POU4F2: variants seen among roughly 807,000 people sequenced by gnomAD.
The protein encoded by POU4F2 is POU class 4 homeobox 2.
POU4F2 carries 10 observed loss-of-function variants against 21.5 expected under a neutral mutation model. That is an observed-to-expected ratio of 0.46 (90% CI 0.29 to 0.79). POU4F2 has a LOEUF of 0.79. Among genes scored for constraint, POU4F2 ranks in the 30% least tolerant of loss-of-function variants. The probability of loss-of-function intolerance (pLI) is 0.10; values close to 1 mark genes in which losing one functional copy is unlikely to be tolerated. For missense variants in POU4F2, 623 were observed against 603.3 expected (o/e 1.03, Z -0.34); for synonymous variants, 324 against 271.1 (o/e 1.20, Z -1.92).
chr4:146,639,858 C>A lies in POU4F2; in HGVS notation c.289-9C>A, dbSNP rs759374854. On this transcript the variant is annotated splice_polypyrimidine_tract_variant and intron_variant, in intron 1 of 1. Transcript: ENST00000281321. ...GAGCGTAATGTGTGCCTTCTACTTACAATTGCAGAGCAATATATTCGGCGG... is the reference window on the plus strand; with the variant it reads ...GAGCGTAATGTGTGCCTTCTACTTAAAATTGCAGAGCAATATATTCGGCGG... 6.6e-7 allele frequency: 1 copy of A among 1,526,398 alleles called. No homozygotes were observed. The highest frequency in any genetic ancestry group is 8.8e-7 in the Non-Finnish European group (1 of 1,135,688). 94.6% of individuals were successfully genotyped at this position (1,526,398 alleles called of 1,614,324 possible). A position where few individuals can be genotyped will look rare whatever the true frequency, so the allele number is the denominator to read the frequency against.
chr4:146,641,036 T>C lies in POU4F2; in HGVS notation c.*228T>C. ...AACAAAAGATGGTATTTGTCTGTTG[T>C]AGCAAAGTTGTCCCTTTGAACCCCA... On this transcript the variant is annotated 3_prime_UTR_variant, in exon 2 of 2. Coordinates refer to ENST00000281321, the MANE Select transcript of POU4F2 (RefSeq NM_004575.3). 4.1e-6 allele frequency: 2 copies of C among 489,240 alleles called. No individual in the cohort carries two copies. The highest frequency in any genetic ancestry group is 6.9e-6 in the Non-Finnish European group (2 of 291,330). 30.3% of individuals were successfully genotyped at this position (489,240 alleles called of 1,614,324 possible).
chr4:146,640,210 C>G lies in POU4F2; in HGVS notation c.632C>G (p.Ala211Gly), dbSNP rs1291827601. ...GGCGCTATGGCGGGCCCCGACGGCG[C>G]TGTGGTGTCCACGCCGGCTCACGCG... ...ALGAMAGPDG[A>G]VVSTPAHAPH... Residue 211 changes from alanine to glycine, a missense_variant, in exon 2 of 2, where the codon GCT becomes GGT. Physicochemically the swap from Ala to Gly is moderately conservative, Grantham distance 60. This residue lies in a region of POU4F2 where 523 missense variants were observed against 504.1 expected (regional missense o/e 1.04). Transcript: ENST00000281321. The surrounding 1 kb of genome is among the most constrained non-coding windows in gnomAD (Gnocchi z 4.8). The G allele has an allele frequency of 6.4e-7, 1 of 1,569,822 alleles. No individual in the cohort carries two copies. The highest frequency in any genetic ancestry group is 1.8e-5 in the Admixed American group (1 of 54,986).
rs369337694 is a variant in POU4F2, at chr4:146,640,449, G to C, written c.871G>C (p.Val291Leu). ...SALANLKIPG[V>L]GSLSQSTICR... Reference sequence around the variant, plus strand: ...GCTGGCCAACCTCAAGATCCCCGGCGTGGGCTCGCTTAGCCAGAGCACCAT... The same window carrying C: ...GCTGGCCAACCTCAAGATCCCCGGCCTGGGCTCGCTTAGCCAGAGCACCAT... The change falls in exon 2 of 2, where the codon GTG becomes CTG. Residue 291 changes from valine to leucine, a missense_variant. Physicochemically the swap from Val to Leu is conservative, Grantham distance 32. Coordinates refer to ENST00000281321, the MANE Select transcript of POU4F2 (RefSeq NM_004575.3). This position sits in a 1 kb window ranked among gnomAD's most constrained non-coding sequence, Gnocchi z 4.8. 1 of 1,613,548 alleles carries C rather than the reference G, an allele frequency of 6.2e-7. No homozygotes were observed.
intron 1 of POU4F2, among the ~76,000 whole-genome samples, 153 bp from the exon 2 acceptor site, chr4:146,639,714 A>G (rs990216467): frequency 1.4e-5 from 2 of 146,986 alleles, no homozygotes; most frequent in Non-Finnish European, 3.0e-5. Flanking sequence ...TTTTCTCTTC[A>G]CCTCTGTTTT....
Position 146,642,263 on chromosome 4 carries a change from G to C in POU4F2, c.*1455G>C. 1 of 152,178 alleles carries C rather than the reference G, an allele frequency of 6.6e-6. No homozygotes were observed. Among genetic ancestry groups the C allele is most frequent in the Admixed American group, 6.5e-5 (1 of 15,274 alleles). 9.4% of individuals were successfully genotyped at this position (152,178 alleles called of 1,614,324 possible). ...TTCTTACAAATTTTGCTGTATTGCT[G>C]TTCTCTTTGAGGCTCTCCAAAGTCT... On this transcript the variant is annotated 3_prime_UTR_variant, in exon 2 of 2. Transcript: ENST00000281321.
In POU4F2 at chr4:146,640,222, C is replaced by A; in HGVS notation, c.644C>A (p.Thr215Lys). 3 of 1,571,916 alleles carry A rather than the reference C, an allele frequency of 1.9e-6. No individual in the cohort carries two copies. The highest frequency in any genetic ancestry group is 1.3e-5 in the African/African-American group (1 of 74,302). ...MAGPDGAVVS[T>K]PAHAPHMATM... ...GGCCCCGACGGCGCTGTGGTGTCCA[C>A]GCCGGCTCACGCGCCGCACATGGCC... Residue 215 changes from threonine to lysine, a missense_variant, in exon 2 of 2, where the codon ACG becomes AAG. Thr to Lys is a moderately conservative substitution (Grantham distance 78). Coordinates refer to ENST00000281321, the MANE Select transcript of POU4F2 (RefSeq NM_004575.3). The surrounding 1 kb of genome is among the most constrained non-coding windows in gnomAD (Gnocchi z 4.8).
rs1740878703 is a variant in POU4F2 at position 146,641,065 on chromosome 4, C to T, written c.*257C>T. The T allele has an allele frequency of 5.3e-6, 2 of 377,470 alleles. No individual in the cohort carries two copies. Among genetic ancestry groups the T allele is most frequent in the Admixed American group, 8.9e-5 (2 of 22,366 alleles). 23.4% of individuals were successfully genotyped at this position (377,470 alleles called of 1,614,324 possible). The stretch of plus-strand genomic sequence containing the variant: ...AAAGTTGTCCCTTTGAACCCCACCT[C>T]GGCTTCTTCAGAGGAAGTGTGGAGA... On this transcript the variant is annotated 3_prime_UTR_variant, in exon 2 of 2. Transcript: ENST00000281321.
At position 146,638,925 on chromosome 4, in the gene POU4F2, A is replaced by G; in HGVS notation, c.-216A>G. 1 of 589,646 alleles carries G rather than the reference A, an allele frequency of 1.7e-6. No homozygotes were observed. The allele number at this position is 589,646 out of a possible 1,614,324, so 36.5% of individuals were successfully genotyped here. On this transcript the variant is annotated 5_prime_UTR_variant, in exon 1 of 2. Transcript: ENST00000281321. ...GGTGCCGAGGTCTGCAGCTAGCGGC[A>G]AGCGGAGTCAGGCATCCGTTCAGAC...
At chr4:146,639,561 G>A in intron 1 of POU4F2, 133 bp downstream of exon 1, 1 of 1,313,188 alleles carries the variant, frequency 7.6e-7, no homozygotes, top group Non-Finnish European at 1.0e-6. Flanking sequence ...TCTCTCTTAA[G>A]TATTCAGCAG....
rs373979098 is a variant in POU4F2, at chr4:146,640,192, T to C, written c.614T>C (p.Met205Thr). Residue 205 changes from methionine (M) to threonine (T), a missense_variant, in exon 2 of 2, where the codon ATG becomes ACG. Physicochemically the swap from Met to Thr is moderately conservative, Grantham distance 81 (BLOSUM62 -1). Coordinates refer to ENST00000281321, the MANE Select transcript of POU4F2 (RefSeq NM_004575.3). This position sits in a 1 kb window ranked among gnomAD's most constrained non-coding sequence, Gnocchi z 4.8. ...AGTCCCGGGCTGGCCCTGGGCGCTATGGCGGGCCCCGACGGCGCTGTGGTG... is the reference window on the plus strand; with the variant it reads ...AGTCCCGGGCTGGCCCTGGGCGCTACGGCGGGCCCCGACGGCGCTGTGGTG... ...HLSPGLALGA[M>T]AGPDGAVVST... The C allele has an allele frequency of 3.2e-6, 5 of 1,583,458 alleles. No homozygotes were observed. In the African/African-American group the frequency reaches 5.4e-5, roughly 17 times the overall value.
Position 146,640,651 on chromosome 4 carries a change from G to A in POU4F2, c.1073G>A (p.Arg358His), listed in dbSNP as rs546678292. 6.2e-6 allele frequency: 10 copies of A among 1,614,272 alleles called. No individual in the cohort carries two copies. The highest frequency in any genetic ancestry group is 1.3e-5 in the African/African-American group (1 of 75,082). The change falls in exon 2 of 2, where the codon CGC becomes CAC. Residue 358 changes from arginine (R) to histidine (H), a missense_variant. Transcript: ENST00000281321. This position sits in a 1 kb window ranked among gnomAD's most constrained non-coding sequence, Gnocchi z 4.8. ...KRTSIAAPEK[R>H]SLEAYFAIQP... The stretch of plus-strand genomic sequence containing the variant: ...ACGTCCATCGCTGCGCCAGAGAAGC[G>A]CTCGCTCGAAGCCTACTTTGCCATT...
chr4:146,639,380 C>A lies in POU4F2; in HGVS notation c.240C>A (p.Gly80=), dbSNP rs767517089. The A allele has an allele frequency of 6.8e-7, 1 of 1,470,674 alleles. No homozygotes were observed. Among genetic ancestry groups the A allele is most frequent in the Non-Finnish European group, 8.9e-7 (1 of 1,119,690 alleles). 91.1% of individuals were successfully genotyped at this position (1,470,674 alleles called of 1,614,324 possible). The part of the protein sequence containing the change: ...SSSSSSSGSS[G]GGGSEAMRRA... ...GCTCCAGCAGCAGTGGCAGCAGCGG[C>A]GGCGGGGGCTCGGAGGCTATGCGGA... Residue 80 remains glycine, a synonymous_variant, in exon 1 of 2, where the codon GGC becomes GGA. Transcript: ENST00000281321.
Position 146,640,304 on chromosome 4 carries a change from G to A in POU4F2, c.726G>A (p.Pro242=), listed in dbSNP as rs1466937538. Residue 242 remains proline (P), a synonymous_variant, in exon 2 of 2, where the codon CCG becomes CCA. Transcript: ENST00000281321. This position sits in a 1 kb window ranked among gnomAD's most constrained non-coding sequence, Gnocchi z 4.8. Reference sequence around the variant, plus strand: ...GCATGGCCCACGCGCACGGGCTGCCGTCGCACATGGGCTGCATGAGCGACG... The same window carrying A: ...GCATGGCCCACGCGCACGGGCTGCCATCGCACATGGGCTGCATGAGCGACG... ...ALSMAHAHGL[P]SHMGCMSDVD... 2 of 1,564,486 alleles carry A rather than the reference G, an allele frequency of 1.3e-6. No individual in the cohort carries two copies. Among genetic ancestry groups the A allele is most frequent in the South Asian group, 1.2e-5 (1 of 83,116 alleles).
intron 1 of POU4F2, among the ~76,000 whole-genome samples, chr4:146,639,666 C>T (rs1000821601): frequency 2.6e-5 from 4 of 151,902 alleles, no homozygotes; most frequent in Non-Finnish European, 5.9e-5. Context: ...CTTTCCTCCT[C>T]CTCCTGCACT....
At position 146,641,735 on chromosome 4, in the gene POU4F2, A is replaced by G. The variant is rs1361493359; in HGVS notation, c.*927A>G. 2.0e-5 allele frequency: 3 copies of G among 152,582 alleles called. No homozygotes were observed. Among genetic ancestry groups the G allele is most frequent in the Non-Finnish European group, 4.4e-5 (3 of 68,038 alleles). The allele number at this position is 152,582 out of a possible 1,614,324, so 9.5% of individuals were successfully genotyped here. On this transcript the variant is annotated 3_prime_UTR_variant, in exon 2 of 2. Transcript: ENST00000281321. ...TGTTCTGATTTGTGAGTCGACACTC[A>G]GTAATGGATGTCTTAATCGTGTAGA...
chr4:146,640,388 C>T lies in POU4F2; in HGVS notation c.810C>T (p.Ile270=), dbSNP rs913357049. ...CCGAGCGCTTCAAGCAGCGACGCAT[C>T]AAGCTGGGGGTGACCCAGGCAGATG... is the stretch of plus-strand genomic sequence containing the variant. The part of the protein sequence containing the change: ...AFAERFKQRR[I]KLGVTQADVG... Residue 270 remains isoleucine (I), a synonymous_variant, in exon 2 of 2, where the codon ATC becomes ATT. Transcript: ENST00000281321. This position sits in a 1 kb window ranked among gnomAD's most constrained non-coding sequence, Gnocchi z 4.8. 11 of 1,605,706 alleles carry T rather than the reference C, an allele frequency of 6.9e-6. No individual in the cohort carries two copies. Among genetic ancestry groups the T allele is most frequent in the Non-Finnish European group, 9.3e-6 (11 of 1,177,642 alleles).
In POU4F2 at chr4:146,639,443, A is replaced by G. The variant is rs1223568785; in HGVS notation, c.288+15A>G. 4 of 1,455,896 alleles carry G rather than the reference A, an allele frequency of 2.7e-6. No homozygotes were observed. The highest frequency in any genetic ancestry group is 1.6e-5 in the South Asian group (1 of 63,198). The allele number at this position is 1,455,896 out of a possible 1,614,324, so 90.2% of individuals were successfully genotyped here. A position where few individuals can be genotyped will look rare whatever the true frequency, so the allele number is the denominator to read the frequency against. The stretch of plus-strand genomic sequence containing the variant: ...CAACCCCACCGGTGCGTATTTCTGC[A>G]TAATCACCGCTTAAAGGCACATTTT... On this transcript the variant is annotated intron_variant, in intron 1 of 1. Coordinates refer to ENST00000281321, the MANE Select transcript of POU4F2 (RefSeq NM_004575.3).
In POU4F2 at chr4:146,640,274, G is replaced by A. The variant is rs557204309; in HGVS notation, c.696G>A (p.Ala232=). ...CCATGAACCCCATGCACCAAGCAGC[G>A]CTCAGCATGGCCCACGCGCACGGGC... ...MATMNPMHQA[A]LSMAHAHGLP... The change falls in exon 2 of 2, where the codon GCG becomes GCA. Residue 232 remains alanine, a synonymous_variant. Coordinates refer to ENST00000281321, the MANE Select transcript of POU4F2 (RefSeq NM_004575.3). This position sits in a 1 kb window ranked among gnomAD's most constrained non-coding sequence, Gnocchi z 4.8. 1.9e-6 allele frequency: 3 copies of A among 1,568,278 alleles called. No individual in the cohort carries two copies. Among genetic ancestry groups the A allele is most frequent in the Admixed American group, 1.7e-5 (1 of 57,224 alleles).
In POU4F2 at chr4:146,639,061, T is replaced by G. The variant is rs1740812719; in HGVS notation, c.-80T>G. On this transcript the variant is annotated 5_prime_UTR_variant, in exon 1 of 2. Coordinates refer to ENST00000281321, the MANE Select transcript of POU4F2 (RefSeq NM_004575.3). ...AGCCCTTCCCAGCTCCAGCCCCGGC[T>G]GGCCCGGCACTTCTCGGAGGGTCCC... 1 of 1,514,426 alleles carries G rather than the reference T, an allele frequency of 6.6e-7. No homozygotes were observed. Among genetic ancestry groups the G allele is most frequent in the South Asian group, 1.3e-5 (1 of 79,052 alleles). The allele number at this position is 1,514,426 out of a possible 1,614,324, so 93.8% of individuals were successfully genotyped here.
Sources: allele counts gnomAD v4.1 joint callset (sites outside exome capture counted in the v4.1 genomes callset), GRCh38; gene constraint gnomAD v4.1.1; regional missense constraint gnomAD v4.1.1; non-coding constraint Gnocchi (gnomAD v3.1); transcripts MANE v1.5; gene names NCBI Gene and HGNC (gene_info 2026-07-23, HGNC 2026-07-21).